PLS1: variants seen among roughly 807,000 people sequenced by gnomAD.
PLS1 encodes plastin-1.
A neutral mutation model predicts 73.7 loss-of-function variants in PLS1; 32 were observed. The observed-to-expected ratio is 0.43, with a 90% CI of 0.33 to 0.58. The LOEUF (loss-of-function observed/expected upper bound fraction) is 0.58. PLS1 is among the 20% of genes least tolerant of loss of function. The probability of loss-of-function intolerance (pLI) is 0.04; values close to 1 mark genes in which losing one functional copy is unlikely to be tolerated. For missense variants in PLS1, 633 were observed against 740.5 expected (o/e 0.85, Z 1.68); for synonymous variants, 217 against 261.3 (o/e 0.83, Z 1.63).
At chr3:142,660,073 C>A (rs1393205421) in intron 1 of PLS1, among the ~76,000 whole-genome samples, 2 of 152,084 alleles carry the variant, frequency 1.3e-5, no homozygotes, top group Non-Finnish European at 2.9e-5. Flanking sequence ...CTTCCTTGAG[C>A]CTTTTAAAAG....
chr3:142,696,137 T>C (rs918239780), intron 11 of PLS1, among the ~76,000 whole-genome samples: 1 of 152,204 alleles, frequency 6.6e-6, no homozygotes, highest in Admixed American at 6.5e-5. Context: ...TTGCATTTTT[T>C]TGGACCATGA....
At chr3:142,600,917 T>TATATGTATA (rs1491180044) in intron 1 of PLS1, among the ~76,000 whole-genome samples, 1 of 11,870 alleles carries the variant, frequency 8.4e-5, no homozygotes, top group Admixed American at 1.7e-3. Flanking sequence ...TATATATATA[T>TATATGTATA]TTTTTTTTTT....
At chr3:142,622,883 A>G (rs1001268794) in intron 1 of PLS1, among the ~76,000 whole-genome samples, 2 of 152,214 alleles carry the variant, frequency 1.3e-5, no homozygotes, top group African/African-American at 4.8e-5. Flanking sequence ...TGGTTTTACA[A>G]TTTCCTAATT....
intron 1 of PLS1, among the ~76,000 whole-genome samples, chr3:142,644,694 T>C (rs1222416610): frequency 1.3e-5 from 2 of 152,184 alleles, no homozygotes; most frequent in African/African-American, 2.4e-5. Context: ...GAGTGAGGAG[T>C]GTTGACGGGA....
intron 14 of PLS1, 27 bp downstream of exon 14, chr3:142,704,613 T>C: frequency 6.8e-7 from 1 of 1,462,674 alleles, no homozygotes; most frequent in Non-Finnish European, 9.3e-7. Context: ...AAAAAAATTT[T>C]TTTTTGTAGG....
chr3:142,711,508 C>A lies in PLS1; in HGVS notation c.1637C>A (p.Ser546Tyr), dbSNP rs767628175. The stretch of plus-strand genomic sequence containing the variant: ...CTATGCTTTATTTTCTAGGATAAAT[C>A]TATAAGCACAAGTTTACCTGTCCTA... ...KTSISSFKDKSISTSLPVLDL... is the reference protein window; with the variant it reads ...KTSISSFKDKYISTSLPVLDL... Residue 546 changes from serine (S) to tyrosine (Y), a missense_variant, in exon 15 of 16, where the codon TCT becomes TAT. Coordinates refer to ENST00000457734, the MANE Select transcript of PLS1 (RefSeq NM_001145319.2). 2 of 1,581,004 alleles carry A rather than the reference C, an allele frequency of 1.3e-6. No individual in the cohort carries two copies. The highest frequency in any genetic ancestry group is 1.7e-6 in the Non-Finnish European group (2 of 1,153,378).
At chr3:142,653,946 A>G (rs1036529962) in intron 1 of PLS1, among the ~76,000 whole-genome samples, 1 of 152,194 alleles carries the variant, frequency 6.6e-6, no homozygotes, top group African/African-American at 2.4e-5. Context: ...ACCCATCTTT[A>G]TATCTTCATT....
intron 1 of PLS1, among the ~76,000 whole-genome samples, chr3:142,643,105 CA>C (rs2036876371): frequency 6.6e-6 from 1 of 152,102 alleles, no homozygotes; most frequent in Non-Finnish European, 1.5e-5. Context: ...AGAGAGGTTG[CA>C]AATTGTAGAA....
intron 10 of PLS1, among the ~76,000 whole-genome samples, chr3:142,691,027 A>G (rs892671034): frequency 2.0e-5 from 3 of 152,106 alleles, no homozygotes; most frequent in Non-Finnish European, 4.4e-5. Flanking sequence ...TCATGATCTC[A>G]GTGTTCATTC....
chr3:142,600,993 G>A (rs1355274801), intron 1 of PLS1, among the ~76,000 whole-genome samples: 2 of 129,006 alleles, frequency 1.6e-5, no homozygotes, highest in East Asian at 2.3e-4. Context: ...GCGCAATCTC[G>A]GCTCACTGCA....
rs1933187177 is a variant in PLS1, at chr3:142,712,519, G to C, written c.*512G>C. 6.6e-6 allele frequency: 1 copy of C among 152,482 alleles called. No homozygotes were observed. The highest frequency in any genetic ancestry group is 6.6e-5 in the Admixed American group (1 of 15,252). The allele number at this position is 152,482 out of a possible 1,614,324, so 9.4% of individuals were successfully genotyped here. A position where few individuals can be genotyped will look rare whatever the true frequency, so the allele number is the denominator to read the frequency against. ...CTAAAACCTTATGGTGACCAGAATT[G>C]TTTATTAATATCAAACTTTTTTATA... On this transcript the variant is annotated 3_prime_UTR_variant, in exon 16 of 16. Coordinates refer to ENST00000457734, the MANE Select transcript of PLS1 (RefSeq NM_001145319.2).
At chr3:142,664,457 T>C in intron 2 of PLS1, 150 bp downstream of exon 2, 2 of 522,694 alleles carry the variant, frequency 3.8e-6, no homozygotes, top group Non-Finnish European at 6.9e-6. Context: ...GGATTCTTTC[T>C]TTCTGAAAGA....
intron 1 of PLS1, among the ~76,000 whole-genome samples, chr3:142,600,640 T>A (rs370424725): frequency 2.6e-5 from 4 of 152,072 alleles, no homozygotes; most frequent in East Asian, 1.9e-4. Flanking sequence ...ATCATAGCCA[T>A]TTTGCAAATC....
At chr3:142,708,191 C>T (rs1932939610) in intron 14 of PLS1, among the ~76,000 whole-genome samples, 2 of 151,994 alleles carry the variant, frequency 1.3e-5, no homozygotes, top group Admixed American at 1.3e-4. Context: ...CTCTGCTGAG[C>T]CTCTTAGGGA....
intron 1 of PLS1, among the ~76,000 whole-genome samples, chr3:142,603,540 A>G (rs993023965): frequency 7.9e-5 from 12 of 152,076 alleles, no homozygotes; most frequent in African/African-American, 2.9e-4. Context: ...GCACTTTGGG[A>G]GGCTGAGGCA....
chr3:142,621,316 G>A (rs2036310491), intron 1 of PLS1, among the ~76,000 whole-genome samples: 1 of 152,124 alleles, frequency 6.6e-6, no homozygotes, highest in Non-Finnish European at 1.5e-5. Flanking sequence ...AACTCTTAGA[G>A]CAATTGGATT....
intron 1 of PLS1, chr3:142,657,178 C>G (rs1046062586): frequency 6.6e-6 from 1 of 152,204 alleles, no homozygotes; most frequent in Admixed American, 6.5e-5. Flanking sequence ...CAGATTCTCT[C>G]CGGTGAGGTT....
chr3:142,630,276 C>T (rs983412328), intron 1 of PLS1, among the ~76,000 whole-genome samples: 10 of 151,708 alleles, frequency 6.6e-5, no homozygotes, highest in African/African-American at 2.2e-4. Flanking sequence ...CAAAAACTAT[C>T]GGGGCGTGGT....
At chr3:142,628,332 T>A (rs1326152014) in intron 1 of PLS1, among the ~76,000 whole-genome samples, 1 of 151,704 alleles carries the variant, frequency 6.6e-6, no homozygotes, top group Non-Finnish European at 1.5e-5. Context: ...GAATATAGTG[T>A]GTGTGTGTGC....
Sources: allele counts gnomAD v4.1 joint callset (sites outside exome capture counted in the v4.1 genomes callset), GRCh38; gene constraint gnomAD v4.1.1; transcripts MANE v1.5; gene names NCBI Gene and HGNC (gene_info 2026-07-23, HGNC 2026-07-21).